The following ASTN2 variants were observed in gnomAD, a reference collection of about 807,000 sequenced individuals.
ASTN2 encodes astrotactin-2.
A neutral mutation model predicts 139.8 loss-of-function variants in ASTN2; 54 were observed. The ratio of observed to expected loss-of-function variants is 0.39; its 90% CI spans 0.31 to 0.48. ASTN2 has a LOEUF of 0.48. Among genes scored for constraint, ASTN2 ranks in the 20% least tolerant of loss-of-function variants. ASTN2 has a pLI of 0.95. For synonymous variants in ASTN2, 756 were observed against 719.5 expected, an observed-to-expected ratio of 1.05 and a Z score of -0.81; for missense variants, 1,565 against 1,725.1, an observed-to-expected ratio of 0.91 and a Z score of 1.64.
At chr9:117,394,278 T>G (rs1476217564) in intron 1 of ASTN2, among the ~76,000 whole-genome samples, 2 of 152,190 alleles carry the variant, frequency 1.3e-5, no homozygotes, top group Non-Finnish European at 2.9e-5. Flanking sequence ...ACTGGACACG[T>G]TCTATGTCTA....
At chr9:117,011,365 A>G (rs918921318) in intron 6 of ASTN2, among the ~76,000 whole-genome samples, 7 of 152,178 alleles carry the variant, frequency 4.6e-5, no homozygotes, top group African/African-American at 1.7e-4. Flanking sequence ...GTCCTTATCA[A>G]AGAGACTCCA....
At chr9:117,077,477 G>C (rs781329757) in intron 5 of ASTN2, among the ~76,000 whole-genome samples, 30 of 152,224 alleles carry the variant, frequency 2.0e-4, no homozygotes, top group Non-Finnish European at 3.7e-4. Flanking sequence ...GCCGGGTGCG[G>C]TAGCTCATGC....
At chr9:116,450,929 T>A (rs1398574321) in intron 20 of ASTN2, among the ~76,000 whole-genome samples, 1 of 152,162 alleles carries the variant, frequency 6.6e-6, no homozygotes, top group Admixed American at 6.5e-5. Flanking sequence ...TCAAAACAAC[T>A]CAGTCTGAGG....
intron 1 of ASTN2, among the ~76,000 whole-genome samples, chr9:117,341,961 G>A (rs757331393): frequency 3.7e-4 from 56 of 152,122 alleles, no homozygotes; most frequent in Non-Finnish European, 6.2e-4. Flanking sequence ...AAGAATATAT[G>A]AGCTGTTTGA....
At chr9:116,795,106 A>G (rs1830656982) in intron 13 of ASTN2, among the ~76,000 whole-genome samples, 1 of 152,080 alleles carries the variant, frequency 6.6e-6, no homozygotes, top group Non-Finnish European at 1.5e-5. Context: ...CCTCCCATGT[A>G]GCTGGGATTA....
intron 19 of ASTN2, among the ~76,000 whole-genome samples, chr9:116,578,762 T>C (rs560508049): frequency 6.8e-6 from 1 of 147,124 alleles, no homozygotes; most frequent in Admixed American, 6.8e-5. Flanking sequence ...AGCTGCGTTT[T>C]TCAAATGGAA....
At chr9:117,186,655 T>C (rs1831208174) in intron 3 of ASTN2, among the ~76,000 whole-genome samples, 2 of 152,212 alleles carry the variant, frequency 1.3e-5, no homozygotes, top group Admixed American at 1.3e-4. Flanking sequence ...TTAAGGCATT[T>C]AGGTAAGTCT....
rs76239829 is a variant in ASTN2 at position 116,645,172 on chromosome 9, T to C, written c.3072+6356A>G. Among the ~76,000 whole-genome samples, 3 of 152,162 alleles carry C rather than the reference T, an allele frequency of 2.0e-5. No homozygotes were observed. The East Asian group carries it at 5.8e-4, about 29-fold the overall frequency. On this transcript the variant is annotated intron_variant, in intron 17 of 22. Transcript: ENST00000313400. ...TCTGTCTGGCTCTTTAGTATGCCACTCCTCTGCCTCCTCCACTTGGAAGAC... is the reference window on the plus strand; with the variant it reads ...TCTGTCTGGCTCTTTAGTATGCCACCCCTCTGCCTCCTCCACTTGGAAGAC...
intron 11 of ASTN2, among the ~76,000 whole-genome samples, chr9:116,847,653 T>C (rs1832481067): frequency 6.6e-6 from 1 of 152,206 alleles, no homozygotes; most frequent in South Asian, 2.1e-4. Flanking sequence ...CCTGATGGTA[T>C]AGGAACTACT....
chr9:116,658,089 TTTTTGTTTTGTTTTTG>T (rs142820466), intron 16 of ASTN2, among the ~76,000 whole-genome samples: 2,805 of 152,090 alleles, frequency 0.018, 89 homozygotes, highest in African/African-American at 0.064. Flanking sequence ...GGAAGTTTGT[TTTTTGTTTTGTTTTTG>T]TTTTGTTTTG....
intron 5 of ASTN2, among the ~76,000 whole-genome samples, chr9:117,050,821 C>T (rs185845725): frequency 6.6e-6 from 1 of 152,222 alleles, no homozygotes; most frequent in Admixed American, 6.5e-5. Context: ...TGTCATATTC[C>T]TAAGAAACAA....
chr9:116,942,993 C>T (rs1016727900), intron 10 of ASTN2, among the ~76,000 whole-genome samples: 1 of 152,206 alleles, frequency 6.6e-6, no homozygotes, highest in Non-Finnish European at 1.5e-5. Context: ...AATGTCAGCA[C>T]ATTTCCACTG....
chr9:117,402,561 G>A (rs1195394201), intron 1 of ASTN2, among the ~76,000 whole-genome samples: 1 of 152,148 alleles, frequency 6.6e-6, no homozygotes, highest in Non-Finnish European at 1.5e-5. Context: ...AAGAAGGAGA[G>A]AAACACAGGT....
At chr9:117,072,463 G>A (rs559411688) in intron 5 of ASTN2, among the ~76,000 whole-genome samples, 3 of 152,186 alleles carry the variant, frequency 2.0e-5, no homozygotes, top group Non-Finnish European at 4.4e-5. Flanking sequence ...TTGCAGTCTG[G>A]CACTAGTTAG....
At chr9:116,509,316 T>G (rs1010319887) in intron 19 of ASTN2, among the ~76,000 whole-genome samples, 1 of 152,208 alleles carries the variant, frequency 6.6e-6, no homozygotes, top group Admixed American at 6.5e-5. Context: ...GCTTCATCCA[T>G]GTCCCTACAA....
intron 4 of ASTN2, among the ~76,000 whole-genome samples, chr9:117,120,018 G>GTGTATATA (rs1306397698): frequency 1.0e-3 from 46 of 45,994 alleles, no homozygotes; most frequent in South Asian, 2.2e-3. Flanking sequence ...GTGTGTGTGT[G>GTGTATATA]TATATATATA....
intron 4 of ASTN2, among the ~76,000 whole-genome samples, chr9:117,139,697 A>G (rs1830029111): frequency 6.6e-6 from 1 of 152,204 alleles, no homozygotes; most frequent in Non-Finnish European, 1.5e-5. Context: ...CCTACCTTCA[A>G]ATAACTCTCT....
intron 2 of ASTN2, among the ~76,000 whole-genome samples, chr9:117,232,350 C>A (rs1312853115): frequency 6.6e-6 from 1 of 152,150 alleles, no homozygotes; most frequent in Non-Finnish European, 1.5e-5. Flanking sequence ...TACTCCTCCC[C>A]ACTAAGGTAG....
chr9:117,403,393 AG>A (rs1237437542), intron 1 of ASTN2, among the ~76,000 whole-genome samples: 2 of 152,194 alleles, frequency 1.3e-5, no homozygotes, highest in Admixed American at 6.5e-5. Flanking sequence ...GTCCATTTGG[AG>A]GACAATAGGG....
Sources: gnomAD v4.1 joint callset for allele counts (sites outside exome capture counted in the v4.1 genomes callset) on GRCh38, gnomAD v4.1.1 for gene constraint, MANE v1.5 for transcripts, NCBI Gene and HGNC (gene_info 2026-07-23, HGNC 2026-07-21) for gene names.